The following DLGAP2 variants were observed in gnomAD, a reference collection of about 807,000 sequenced individuals.
The protein encoded by DLGAP2 is DLG associated protein 2.
Under a neutral mutation model 100.3 loss-of-function variants are expected in DLGAP2, and 26 were observed. The ratio of observed to expected loss-of-function variants is 0.26; its 90% confidence interval spans 0.19 to 0.36. DLGAP2 has a LOEUF of 0.36. Among genes scored for constraint, DLGAP2 ranks in the 10% least tolerant of loss-of-function variants. The pLI is 1.00. For missense variants in DLGAP2, 1,858 were observed against 1,453.2 expected (o/e 1.28, Z -4.53); for synonymous variants, 886 against 630.1 (o/e 1.41, Z -6.08).
chr8:1,024,011 C>T (rs1009801446), intron 2 of DLGAP2, among the ~76,000 whole-genome samples: 1 of 151,846 alleles, frequency 6.6e-6, no homozygotes, highest in Non-Finnish European at 1.5e-5. Context: ...GTCTCAGGGC[C>T]CCTGTCTTCC....
chr8:805,061 G>C (rs1037940855), intron 1 of DLGAP2, among the ~76,000 whole-genome samples: 1 of 152,214 alleles, frequency 6.6e-6, no homozygotes, highest in African/African-American at 2.4e-5. Flanking sequence ...GTGAGCTACT[G>C]CTCCTGGCCT....
intron 8 of DLGAP2, among the ~76,000 whole-genome samples, chr8:1,659,443 GT>G (rs1421079549): frequency 6.6e-6 from 1 of 152,170 alleles, no homozygotes; most frequent in East Asian, 1.9e-4. Flanking sequence ...ACAGTGGGAT[GT>G]TAAAGTCTCC....
At chr8:808,398 C>T (rs1358001173) in intron 1 of DLGAP2, among the ~76,000 whole-genome samples, 3 of 152,104 alleles carry the variant, frequency 2.0e-5, no homozygotes, top group Non-Finnish European at 4.4e-5. Context: ...GAGTCTGTTC[C>T]TGGGTCTGCT....
intron 4 of DLGAP2, among the ~76,000 whole-genome samples, chr8:1,527,716 G>C (rs1051943085): frequency 6.6e-6 from 1 of 152,158 alleles, no homozygotes; most frequent in African/African-American, 2.4e-5. Context: ...CATGCACGGC[G>C]TAACTGGGGC....
At chr8:1,000,220 G>A (rs13258544) in intron 2 of DLGAP2, among the ~76,000 whole-genome samples, 6,145 of 91,262 alleles carry the variant, frequency 0.067, 465 homozygotes, top group Admixed American at 0.1. Flanking sequence ...TCTCTAGAGC[G>A]GACAGATCCA....
At chr8:1,349,577 TGAGGGAGAC>T (rs1441629061) in intron 3 of DLGAP2, among the ~76,000 whole-genome samples, 10 of 130,852 alleles carry the variant, frequency 7.6e-5, no homozygotes, top group Non-Finnish European at 1.3e-4. Context: ...AAGGGGTGTT[TGAGGGAGAC>T]TATCATGAGC....
intron 3 of DLGAP2, among the ~76,000 whole-genome samples, chr8:1,377,113 G>A (rs963952116): frequency 2.0e-5 from 3 of 152,230 alleles, no homozygotes; most frequent in African/African-American, 7.2e-5. Context: ...ATAGGCGTGT[G>A]CGTCCCAGCG....
chr8:1,469,244 A>G (rs1192483115), intron 3 of DLGAP2, among the ~76,000 whole-genome samples: 1 of 152,240 alleles, frequency 6.6e-6, no homozygotes, highest in African/African-American at 2.4e-5. Context: ...GGCTGTGGCC[A>G]GCAGCAGTGG....
intron 6 of DLGAP2, among the ~76,000 whole-genome samples, chr8:1,594,155 G>T (rs1383071321): frequency 8.5e-5 from 13 of 152,146 alleles, no homozygotes; most frequent in Non-Finnish European, 1.3e-4. Flanking sequence ...GTCTTCTCAT[G>T]TATAAGACAA....
intron 2 of DLGAP2, among the ~76,000 whole-genome samples, chr8:977,741 G>T (rs1402773322): frequency 6.6e-6 from 1 of 150,940 alleles, no homozygotes; most frequent in Non-Finnish European, 1.5e-5. Flanking sequence ...CGGGGATGCA[G>T]TGAGGGGCTG....
Position 1,496,650 on chromosome 8 carries a change from C to T in DLGAP2, c.107-4716C>T, listed in dbSNP as rs146023842. Among the ~76,000 whole-genome samples, 603 of 152,280 alleles carry T rather than the reference C, an allele frequency of 4.0e-3. 2 individuals are homozygous for T. Among genetic ancestry groups the T allele is most frequent in the Non-Finnish European group, 7.0e-3 (475 of 68,024 alleles). ...GGGCCATCACAGACCCTCTCAGATC[C>T]ACCCAGACCCCTCTGGGCCACAGGG... is the stretch of plus-strand genomic sequence containing the variant. On this transcript the variant is annotated intron_variant, in intron 3 of 14. Transcript: ENST00000637795.
intron 2 of DLGAP2, among the ~76,000 whole-genome samples, chr8:933,445 G>T (rs549050270): frequency 6.9e-6 from 1 of 145,034 alleles, no homozygotes. Flanking sequence ...CTGTGGGCAC[G>T]AGGGGAGGGT....
intron 3 of DLGAP2, among the ~76,000 whole-genome samples, chr8:1,271,839 G>A (rs1450137446): frequency 6.6e-6 from 1 of 152,164 alleles, no homozygotes; most frequent in Non-Finnish European, 1.5e-5. Context: ...TTAAGAGACA[G>A]ACTCTTGTTC....
chr8:983,906 C>G (rs934442944), intron 2 of DLGAP2, among the ~76,000 whole-genome samples: 1 of 152,162 alleles, frequency 6.6e-6, no homozygotes, highest in African/African-American at 2.4e-5. Context: ...TCCCAAAGTG[C>G]TGGGAGTGCA....
At chr8:1,106,391 T>C (rs781142583) in intron 2 of DLGAP2, among the ~76,000 whole-genome samples, 8 of 151,178 alleles carry the variant, frequency 5.3e-5, no homozygotes, top group Non-Finnish European at 8.9e-5. Flanking sequence ...AGGGGAGCCA[T>C]TCTAGGAGGG....
intron 1 of DLGAP2, among the ~76,000 whole-genome samples, chr8:834,081 A>G (rs1227744503): frequency 6.6e-6 from 1 of 152,216 alleles, no homozygotes; most frequent in Non-Finnish European, 1.5e-5. Flanking sequence ...AGCAGAAACC[A>G]GGGCTGAATC....
chr8:1,296,821 G>A (rs555886666), intron 3 of DLGAP2, among the ~76,000 whole-genome samples: 59 of 152,296 alleles, frequency 3.9e-4, no homozygotes, highest in East Asian at 2.3e-3. Context: ...GCACCGGAGC[G>A]GCCCCCGAAC....
At chr8:1,279,144 T>C (rs1456134899) in intron 3 of DLGAP2, among the ~76,000 whole-genome samples, 1 of 152,236 alleles carries the variant, frequency 6.6e-6, no homozygotes, top group Non-Finnish European at 1.5e-5. Context: ...GAGGTGTCAG[T>C]AGTGTGCTTT....
At chr8:1,272,941 T>C (rs745723481) in intron 3 of DLGAP2, among the ~76,000 whole-genome samples, 100 of 152,180 alleles carry the variant, frequency 6.6e-4, no homozygotes, top group Admixed American at 1.6e-3. Flanking sequence ...GAGGAGCTTC[T>C]GTGCCGTGGG....
Sources: gnomAD v4.1 joint callset for allele counts (sites outside exome capture counted in the v4.1 genomes callset) on GRCh38, gnomAD v4.1.1 for gene constraint, MANE v1.5 for transcripts, NCBI Gene and HGNC (gene_info 2026-07-23, HGNC 2026-07-21) for gene names.